The following SMAD4 variants were observed in gnomAD, a reference collection of about 807,000 sequenced individuals.
The protein encoded by SMAD4 is MAD homolog 4.
Under a neutral mutation model 63.2 loss-of-function variants are expected in SMAD4, and 7 were observed. The observed-to-expected ratio is 0.11, with a 90% CI of 0.06 to 0.21. The LOEUF (loss-of-function observed/expected upper bound fraction) is 0.21. SMAD4 is among the 10% of genes least tolerant of loss of function. The pLI is 1.00. For missense variants in SMAD4, 312 were observed against 693.8 expected (o/e 0.45, Z 6.18); for synonymous variants, 215 against 235.4 (o/e 0.91, Z 0.79).
At chr18:51,033,091 C>T (rs1204567325) in intron 1 of SMAD4, among the ~76,000 whole-genome samples, 1 of 151,598 alleles carries the variant, frequency 6.6e-6, no homozygotes, top group African/African-American at 2.4e-5. Context: ...AATGGGGTGA[C>T]TCTGAGGTGA....
chr18:51,048,476 A>G (rs1909611045), intron 2 of SMAD4, among the ~76,000 whole-genome samples: 1 of 152,166 alleles, frequency 6.6e-6, no homozygotes, highest in Admixed American at 6.6e-5. Context: ...CATTTTTAAA[A>G]CCTGAGCACA....
chr18:51,033,755 A>G (rs745922932), intron 1 of SMAD4, among the ~76,000 whole-genome samples: 3 of 152,236 alleles, frequency 2.0e-5, no homozygotes, highest in Non-Finnish European at 4.4e-5. Context: ...ACTGAATTCC[A>G]GTTTCTCAGG....
At chr18:51,048,656 A>T (rs771382294) in intron 2 of SMAD4, 30 bp from the exon 3 acceptor site, 2 of 1,601,584 alleles carry the variant, frequency 1.2e-6, no homozygotes, top group Middle Eastern at 3.3e-4. Flanking sequence ...ATAATGTGAC[A>T]CATGAATAAA....
chr18:51,051,925 G>A (rs562124264), intron 4 of SMAD4, among the ~76,000 whole-genome samples: 1 of 152,102 alleles, frequency 6.6e-6, no homozygotes, highest in Admixed American at 6.5e-5. Flanking sequence ...TCCTGCCTCA[G>A]CCTCCTGAGT....
At chr18:51,071,272 A>G (rs1053849271) in intron 10 of SMAD4, among the ~76,000 whole-genome samples, 5 of 152,042 alleles carry the variant, frequency 3.3e-5, no homozygotes, top group Non-Finnish European at 7.4e-5. Context: ...ACATACACAC[A>G]CACACACATA....
At chr18:51,037,170 C>T (rs972799513) in intron 1 of SMAD4, among the ~76,000 whole-genome samples, 8 of 152,008 alleles carry the variant, frequency 5.3e-5, no homozygotes, top group African/African-American at 1.4e-4. Flanking sequence ...GCTGACAGAG[C>T]GAGACTGTCT....
chr18:51,036,127 C>G (rs1320095555), intron 1 of SMAD4, among the ~76,000 whole-genome samples: 1 of 151,992 alleles, frequency 6.6e-6, no homozygotes, highest in African/African-American at 2.4e-5. Context: ...GCCGGCACCA[C>G]CACGCCTGGC....
chr18:51,051,514 C>A, intron 4 of SMAD4: 2 of 419,140 alleles, frequency 4.8e-6, no homozygotes, highest in South Asian at 3.5e-5. Flanking sequence ...ATGAAACTTT[C>A]TATGACCACG....
chr18:51,068,865 G>C (rs1313567467), intron 10 of SMAD4, among the ~76,000 whole-genome samples: 3 of 152,128 alleles, frequency 2.0e-5, no homozygotes, highest in Admixed American at 1.3e-4. Context: ...AGGCTGCGGA[G>C]AGCCATGATC....
In SMAD4 at chr18:51,083,465, T is replaced by C; in HGVS notation, c.*4998T>C. On this transcript the variant is annotated 3_prime_UTR_variant, in exon 12 of 12. Transcript: ENST00000342988. ...CTTTTTGTCCTTTTTTTTTCTGTTT[T>C]TTTTTTTCTAATGTAGTAAGGACTA... 1 of 229,326 alleles carries C rather than the reference T, an allele frequency of 4.4e-6. No homozygotes were observed. Among genetic ancestry groups the C allele is most frequent in the Non-Finnish European group, 8.6e-6 (1 of 115,666 alleles). The allele number at this position is 229,326 out of a possible 1,614,324, so 14.2% of individuals were successfully genotyped here.
intron 1 of SMAD4, among the ~76,000 whole-genome samples, chr18:51,030,979 C>G (rs1441918768): frequency 6.6e-6 from 1 of 152,192 alleles, no homozygotes; most frequent in Non-Finnish European, 1.5e-5. Flanking sequence ...AATGTGTTGC[C>G]TTAGGGTCTA....
chr18:51,065,334 T>A (rs1381803433), intron 8 of SMAD4, 89 bp from the exon 9 acceptor site: 1 of 1,096,382 alleles, frequency 9.1e-7, no homozygotes, highest in Non-Finnish European at 1.4e-6. Flanking sequence ...CTTTACCCTT[T>A]CTTTTAGGAA....
chr18:51,073,625 G>A (rs1910393295), intron 10 of SMAD4, among the ~76,000 whole-genome samples: 2 of 151,636 alleles, frequency 1.3e-5, no homozygotes, highest in African/African-American at 4.8e-5. Flanking sequence ...CCGCCTCCTG[G>A]GTTTAAGGGA....
chr18:51,030,924 CAGT>C (rs1909029331), intron 1 of SMAD4, among the ~76,000 whole-genome samples: 1 of 152,116 alleles, frequency 6.6e-6, no homozygotes, highest in African/African-American at 2.4e-5. Context: ...TTGTTGTTCT[CAGT>C]AGTTTCACGG....
intron 4 of SMAD4, chr18:51,053,350 T>A (rs1162470593): frequency 6.6e-6 from 1 of 152,182 alleles, no homozygotes; most frequent in African/African-American, 2.4e-5. Context: ...GGGTGTAATA[T>A]AAGGCTGAAT....
intron 11 of SMAD4, among the ~76,000 whole-genome samples, chr18:51,077,918 C>G (rs1910510630): frequency 6.6e-6 from 1 of 152,182 alleles, no homozygotes; most frequent in East Asian, 1.9e-4. Flanking sequence ...TAGAAGCAAC[C>G]TGTGGACACG....
chr18:51,069,834 C>T (rs1281607376), intron 10 of SMAD4, among the ~76,000 whole-genome samples: 1 of 152,160 alleles, frequency 6.6e-6, no homozygotes, highest in Non-Finnish European at 1.5e-5. Flanking sequence ...TGTTGTCTCT[C>T]TCCATATTAT....
intron 5 of SMAD4, 151 bp downstream of exon 5, chr18:51,055,144 C>T (rs925227008): frequency 5.8e-6 from 4 of 686,664 alleles, no homozygotes; most frequent in African/African-American, 3.5e-5. Context: ...AACAGGTATG[C>T]ACAATCACTT....
At chr18:51,076,950 A>G (rs1339101280) in intron 11 of SMAD4, 174 bp downstream of exon 11, 10 of 547,694 alleles carry the variant, frequency 1.8e-5, no homozygotes, top group South Asian at 2.7e-5. Context: ...CTTTTTGCCT[A>G]TGACCCTGTT....
Sources: gnomAD v4.1 joint callset for allele counts (sites outside exome capture counted in the v4.1 genomes callset) on GRCh38, gnomAD v4.1.1 for gene constraint, MANE v1.5 for transcripts, NCBI Gene and HGNC (gene_info 2026-07-23, HGNC 2026-07-21) for gene names.